Variants in SCAPER observed in about 807,000 individuals in gnomAD.
The protein encoded by SCAPER is S phase cyclin A-associated protein in the endoplasmic reticulum.
SCAPER carries 98 observed loss-of-function variants against 182.2 expected under a neutral mutation model. The observed-to-expected ratio is 0.54, with a 90% confidence interval of 0.46 to 0.64. SCAPER has a LOEUF of 0.64. SCAPER is among the 30% of genes least tolerant of loss of function. The pLI, the probability that SCAPER is intolerant of heterozygous loss-of-function variation, is 0.00. For synonymous variants in SCAPER, 605 were observed against 564.6 expected (o/e 1.07, Z -1.01); for missense variants, 1,432 against 1,690.0 (o/e 0.85, Z 2.68).
chr15:76,805,533 T>G (rs1195069769), intron 5 of SCAPER, among the ~76,000 whole-genome samples: 1 of 151,102 alleles, frequency 6.6e-6, no homozygotes, highest in Non-Finnish European at 1.5e-5. Flanking sequence ...CCTCTTTTCA[T>G]GTACATTAGA....
chr15:76,457,002 C>T (rs2048787494), intron 25 of SCAPER, among the ~76,000 whole-genome samples: 1 of 150,798 alleles, frequency 6.6e-6, no homozygotes. Context: ...GTAGATAGAG[C>T]ACATGGTTAG....
At chr15:76,702,746 G>C (rs188562502) in intron 19 of SCAPER, 104 bp downstream of exon 19, 7 of 1,338,782 alleles carry the variant, frequency 5.2e-6, no homozygotes, top group Non-Finnish European at 6.1e-6. Context: ...GCCACATCTC[G>C]CCTGCCTTAG....
intron 26 of SCAPER, among the ~76,000 whole-genome samples, chr15:76,405,984 G>A (rs555673921): frequency 2.0e-5 from 3 of 152,218 alleles, no homozygotes; most frequent in Admixed American, 1.3e-4. Flanking sequence ...ATTAGACTAT[G>A]TATCTACCTG....
intron 29 of SCAPER, among the ~76,000 whole-genome samples, chr15:76,371,562 C>T (rs912869134): frequency 6.6e-6 from 1 of 151,520 alleles, no homozygotes. Flanking sequence ...CTGTGATCCG[C>T]CCACCCCGGC....
chr15:76,624,089 GA>G lies in SCAPER; in HGVS notation c.2646-2261del, dbSNP rs574209445. ...AAGAGAATAAAAGGCATTCAAACAG[GA>G]AAATAAGTCAAATTATCTCTCTTCA... is the stretch of plus-strand genomic sequence containing the variant. On this transcript the variant is annotated intron_variant, in intron 21 of 31. Coordinates refer to ENST00000563290, the MANE Select transcript of SCAPER (RefSeq NM_020843.4). 2.6e-3 allele frequency among the ~76,000 whole-genome samples: 397 copies of G among 152,234 alleles called. 2 individuals carry two copies. The highest frequency in any genetic ancestry group is 4.2e-3 in the Non-Finnish European group (283 of 68,010).
chr15:76,692,264 T>C (rs1033169577), intron 20 of SCAPER, among the ~76,000 whole-genome samples: 3 of 152,042 alleles, frequency 2.0e-5, no homozygotes, highest in African/African-American at 7.3e-5. Context: ...AATTAGAAAA[T>C]GAGTGGAAGT....
At chr15:76,465,415 A>C (rs888877774) in intron 25 of SCAPER, among the ~76,000 whole-genome samples, 1 of 152,148 alleles carries the variant, frequency 6.6e-6, no homozygotes, top group Non-Finnish European at 1.5e-5. Context: ...ATGCCATCAC[A>C]GTGGTGATTA....
chr15:76,503,243 T>C (rs1027185460), intron 24 of SCAPER, among the ~76,000 whole-genome samples: 6 of 152,136 alleles, frequency 3.9e-5, no homozygotes, highest in Admixed American at 6.5e-5. Flanking sequence ...TCCCTGCCAA[T>C]TAACATACAG....
chr15:76,633,822 C>T (rs995011478), intron 21 of SCAPER, among the ~76,000 whole-genome samples: 2 of 152,348 alleles, frequency 1.3e-5, no homozygotes, highest in East Asian at 1.9e-4. Context: ...ATGGTGGTCA[C>T]CCCTCTCCGC....
At chr15:76,407,899 C>A (rs1378768615) in intron 26 of SCAPER, among the ~76,000 whole-genome samples, 1 of 151,964 alleles carries the variant, frequency 6.6e-6, no homozygotes, top group African/African-American at 2.4e-5. Flanking sequence ...ACCCATCCTG[C>A]ATAAAGTTTA....
chr15:76,536,124 ACTT>A (rs2044139352), intron 23 of SCAPER, among the ~76,000 whole-genome samples: 1 of 152,218 alleles, frequency 6.6e-6, no homozygotes. Flanking sequence ...GAATGTTTTA[ACTT>A]CTTGTGTAAA....
intron 22 of SCAPER, among the ~76,000 whole-genome samples, chr15:76,574,525 T>C (rs1193276110): frequency 6.6e-6 from 1 of 152,184 alleles, no homozygotes; most frequent in Non-Finnish European, 1.5e-5. Context: ...ATCTACAGGA[T>C]TAGCTAGAGC....
intron 20 of SCAPER, among the ~76,000 whole-genome samples, chr15:76,693,083 A>G (rs1362766783): frequency 6.6e-6 from 1 of 152,156 alleles, no homozygotes; most frequent in African/African-American, 2.4e-5. Flanking sequence ...ATTTATTTTA[A>G]GGCTATGTTA....
chr15:76,513,182 C>G (rs546423845), intron 23 of SCAPER, among the ~76,000 whole-genome samples: 1 of 152,250 alleles, frequency 6.6e-6, no homozygotes, highest in Non-Finnish European at 1.5e-5. Flanking sequence ...TGGCACAGAG[C>G]AGGAATGGTA....
intron 27 of SCAPER, among the ~76,000 whole-genome samples, chr15:76,398,160 C>T (rs1164846835): frequency 1.3e-5 from 2 of 152,146 alleles, no homozygotes; most frequent in Non-Finnish European, 2.9e-5. Context: ...CTTTCAAGGG[C>T]CATGTTAAAT....
intron 8 of SCAPER, among the ~76,000 whole-genome samples, chr15:76,787,879 G>C (rs2064729308): frequency 6.6e-6 from 1 of 151,938 alleles, no homozygotes; most frequent in African/African-American, 2.4e-5. Flanking sequence ...CATCAAAATT[G>C]AAACTTCTGC....
chr15:76,582,658 A>C (rs1413504133), intron 22 of SCAPER, among the ~76,000 whole-genome samples: 1 of 152,258 alleles, frequency 6.6e-6, no homozygotes, highest in Non-Finnish European at 1.5e-5. Flanking sequence ...TCTGAGCAAA[A>C]AGAACGAAAC....
rs150745273 is a variant in SCAPER at position 76,727,672 on chromosome 15, A to G, written c.2165+923T>C. Among the ~76,000 whole-genome samples, 31 of 152,254 alleles carry G rather than the reference A, an allele frequency of 2.0e-4. 1 individual carries two copies. In the East Asian group the frequency reaches 4.4e-3, roughly 22 times the overall value. ...CTTAGGATAGAAAAAGATTTCATAA[A>G]TAAGACCAAAAGGCATAAATTATAG... On this transcript the variant is annotated intron_variant, in intron 17 of 31. Coordinates refer to ENST00000563290, the MANE Select transcript of SCAPER (RefSeq NM_020843.4).
chr15:76,895,201 T>C (rs189045976), intron 1 of SCAPER, among the ~76,000 whole-genome samples: 1 of 152,306 alleles, frequency 6.6e-6, no homozygotes, highest in African/African-American at 2.4e-5. Context: ...TAGGAATTAT[T>C]TGTGGGTTGC....
Sources: allele counts gnomAD v4.1 joint callset (sites outside exome capture counted in the v4.1 genomes callset), GRCh38; gene constraint gnomAD v4.1.1; transcripts MANE v1.5; gene names NCBI Gene and HGNC (gene_info 2026-07-23, HGNC 2026-07-21).